The following COL6A3 variants were observed in gnomAD, a reference collection of about 807,000 sequenced individuals.
The protein encoded by COL6A3 is collagen type VI alpha 3 chain.
In COL6A3, 137 loss-of-function variants were observed where a neutral mutation model predicts 274.1. The observed-to-expected ratio is 0.50, with a 90% CI of 0.44 to 0.58. The LOEUF is 0.58. COL6A3 is among the 20% of genes least tolerant of loss of function. The pLI is 0.00. For missense variants in COL6A3, 3,950 were observed against 4,124.9 expected (o/e 0.96, Z 1.16); for synonymous variants, 1,650 against 1,650.6 (o/e 1.00, Z 0.01).
chr2:237,389,178 T>C (rs2078227488), intron 3 of COL6A3, among the ~76,000 whole-genome samples: 1 of 152,184 alleles, frequency 6.6e-6, no homozygotes, highest in Admixed American at 6.5e-5. Context: ...CCCAACCTGA[T>C]GCTGAGAACG....
chr2:237,383,868 A>G (rs549635994), intron 4 of COL6A3, among the ~76,000 whole-genome samples: 22 of 152,202 alleles, frequency 1.4e-4, no homozygotes, highest in Admixed American at 1.4e-3. Context: ...AGATCTAATG[A>G]AACAAGTGGC....
rs1400989786 is a variant in COL6A3, at chr2:237,388,147, T to G, written c.747A>C (p.Gly249=). ...AATTGACACTTCCGGTGTTGTTTGA[T>G]CCATCAATAAGGAAAATAATGTCAG... ...DSADIIFLID[G]SNNTGSVNFA... Residue 249 remains glycine (G), a synonymous_variant, in exon 4 of 44, where the codon GGA becomes GGC. Transcript: ENST00000295550. 1 of 1,613,992 alleles carries G rather than the reference T, an allele frequency of 6.2e-7. No homozygotes were observed. Among genetic ancestry groups the G allele is most frequent in the East Asian group, 2.2e-5 (1 of 44,892 alleles).
rs1347948544 is a variant in COL6A3 at position 237,377,094 on chromosome 2, C to G, written c.2748G>C (p.Leu916=). 7 of 1,614,084 alleles carry G rather than the reference C, an allele frequency of 4.3e-6. No individual in the cohort carries two copies. The Admixed American group carries it at 1.2e-4, about 27-fold the overall frequency. ...MKIKTGKALN[L]GYALDYAQRY... Reference sequence around the variant, plus strand: ...TCTGTGCATAGTCCAGCGCGTAGCCCAGGTTGAGGGCTTTGCCCGTCTTGA... The same window carrying G: ...TCTGTGCATAGTCCAGCGCGTAGCCGAGGTTGAGGGCTTTGCCCGTCTTGA... Residue 916 remains leucine (L), a synonymous_variant, in exon 7 of 44, where the codon CTG becomes CTC. Coordinates refer to ENST00000295550, the MANE Select transcript of COL6A3 (RefSeq NM_004369.4).
In COL6A3 at chr2:237,325,658, G is replaced by T; in HGVS notation, c.9395C>A (p.Pro3132Gln). The T allele has an allele frequency of 6.2e-7, 1 of 1,614,014 alleles. No homozygotes were observed. Among genetic ancestry groups the T allele is most frequent in the South Asian group, 1.1e-5 (1 of 91,072 alleles). ...GAATCTTGCACAGCTTTTGGTGTTTGGATCATAGTACCATTTTAATATGAA... is the reference window on the plus strand; with the variant it reads ...GAATCTTGCACAGCTTTTGGTGTTTTGATCATAGTACCATTTTAATATGAA... ...RDFILKWYYD[P>Q]NTKSCARFWY... The change falls in exon 43 of 44, where the codon CCA becomes CAA. Residue 3132 changes from proline to glutamine, a missense_variant. Pro to Gln is a moderately conservative substitution (Grantham distance 76). Coordinates refer to ENST00000295550, the MANE Select transcript of COL6A3 (RefSeq NM_004369.4).
intron 7 of COL6A3, among the ~76,000 whole-genome samples, chr2:237,376,193 A>C (rs1371766649): frequency 6.6e-6 from 1 of 152,170 alleles, no homozygotes; most frequent in Non-Finnish European, 1.5e-5. Context: ...ATTTTTCATC[A>C]AAAGGCATAC....
In COL6A3 at chr2:237,352,337, A is replaced by G. The variant is rs187250247; in HGVS notation, c.6753+185T>C. Among the ~76,000 whole-genome samples, 4 of 152,256 alleles carry G rather than the reference A, an allele frequency of 2.6e-5. No individual in the cohort carries two copies. In the East Asian group the frequency reaches 7.7e-4, roughly 29 times the overall value. On this transcript the variant is annotated intron_variant, in intron 26 of 43. Transcript: ENST00000295550. The stretch of plus-strand genomic sequence containing the variant: ...TGGAGCACCAAAAAAGGAAACTCTT[A>G]CTTTCTTGGGGTGAAGTAGCCAGTC...
At chr2:237,405,859 G>A (rs981930951) in intron 1 of COL6A3, among the ~76,000 whole-genome samples, 1 of 152,056 alleles carries the variant, frequency 6.6e-6, no homozygotes, top group Non-Finnish European at 1.5e-5. Context: ...GTCAATGGAA[G>A]TCGGCTGTCT....
intron 3 of COL6A3, among the ~76,000 whole-genome samples, chr2:237,392,777 C>T (rs2078324890): frequency 1.3e-5 from 2 of 152,232 alleles, no homozygotes; most frequent in Non-Finnish European, 2.9e-5. Flanking sequence ...CTGTGGTCAT[C>T]TCCAGACTTT....
chr2:237,368,418 A>T lies in COL6A3; in HGVS notation c.4900+145T>A. On this transcript the variant is annotated intron_variant, in intron 10 of 43. Coordinates refer to ENST00000295550, the MANE Select transcript of COL6A3 (RefSeq NM_004369.4). This position sits in a 1 kb window ranked among gnomAD's most constrained non-coding sequence, Gnocchi z 4.4. ...TTCCTTCTGCAATTTCAATGGAACTACTTTTCCAGTATTTAATTTCTAATA... is the reference window on the plus strand; with the variant it reads ...TTCCTTCTGCAATTTCAATGGAACTTCTTTTCCAGTATTTAATTTCTAATA... 1 of 1,020,508 alleles carries T rather than the reference A, an allele frequency of 9.8e-7. No individual in the cohort carries two copies. Among genetic ancestry groups the T allele is most frequent in the Non-Finnish European group, 1.4e-6 (1 of 712,712 alleles). The allele number at this position is 1,020,508 out of a possible 1,614,324, so 63.2% of individuals were successfully genotyped here. A position where few individuals can be genotyped will look rare whatever the true frequency, so the allele number is the denominator to read the frequency against.
intron 3 of COL6A3, 43 bp from the exon 4 acceptor site, chr2:237,388,227 A>G (rs2078203805): frequency 6.2e-7 from 1 of 1,612,212 alleles, no homozygotes; most frequent in Non-Finnish European, 8.5e-7. Flanking sequence ...GCATTAGAAC[A>G]AGTGACCACA....
At position 237,387,608 on chromosome 2, in the gene COL6A3, A is replaced by C; in HGVS notation, c.1286T>G (p.Leu429Trp). 1.2e-6 allele frequency: 2 copies of C among 1,613,964 alleles called. No individual in the cohort carries two copies. The highest frequency in any genetic ancestry group is 1.7e-6 in the Non-Finnish European group (2 of 1,179,948). ...IVGVAQRHIV[L>W]KPPTIVTQVI... ...TTGTGTGACAATGGTTGGCGGTTTCAAGACAATGTGCCTTTGGGCCACGCC... is the reference window on the plus strand; with the variant it reads ...TTGTGTGACAATGGTTGGCGGTTTCCAGACAATGTGCCTTTGGGCCACGCC... Residue 429 changes from leucine (L) to tryptophan (W), a missense_variant, in exon 4 of 44, where the codon TTG (leucine) becomes TGG (tryptophan). Around this residue, in one of 5 missense-constraint regions of COL6A3, gnomAD observed 1,934 missense variants for 1,984.3 expected, o/e 0.97. Coordinates refer to ENST00000295550, the MANE Select transcript of COL6A3 (RefSeq NM_004369.4).
intron 41 of COL6A3, among the ~76,000 whole-genome samples, chr2:237,334,163 A>G (rs1700407416): frequency 6.6e-6 from 1 of 152,016 alleles, no homozygotes; most frequent in Non-Finnish European, 1.5e-5. Context: ...GGGCAGGGAG[A>G]CTCAGCTATC....
intron 32 of COL6A3, among the ~76,000 whole-genome samples, chr2:237,346,072 A>G (rs1457565481): frequency 1.3e-5 from 2 of 152,228 alleles, no homozygotes; most frequent in Non-Finnish European, 2.9e-5. Flanking sequence ...CAGCATGACT[A>G]GTGGGATTTA....
rs1386395959 is a variant in COL6A3 at position 237,381,278 on chromosome 2, C to T, written c.1534G>A (p.Val512Met). ...HPTKREVITA[V>M]RKMKPLDGSA... is the part of the protein sequence containing the mutation. ...CCGTCCAGGGGCTTCATTTTCCGCA[C>T]AGCGGTTATGACTTCCCTTTTTGTT... Residue 512 changes from valine (V) to methionine (M), a missense_variant, in exon 5 of 44, where the codon GTG becomes ATG. By Grantham distance (21) the Val-to-Met change is conservative. Coordinates refer to ENST00000295550, the MANE Select transcript of COL6A3 (RefSeq NM_004369.4). 3.1e-6 allele frequency: 5 copies of T among 1,614,136 alleles called. No individual in the cohort carries two copies. The highest frequency in any genetic ancestry group is 2.5e-6 in the Non-Finnish European group (3 of 1,180,062).
rs765078725 is a variant in COL6A3 at position 237,372,184 on chromosome 2, T to C, written c.3833A>G (p.Asp1278Gly). The C allele has an allele frequency of 6.2e-7, 1 of 1,614,132 alleles. No homozygotes were observed. The highest frequency in any genetic ancestry group is 1.7e-5 in the Admixed American group (1 of 60,020). ...TTRVAVIQFS[D>G]DPKVEFLLNA... ...CAGCAGGAACTCCACCTTGGGGTCA[T>C]CGCTGAACTGGATGACAGCCACCCG... The change falls in exon 9 of 44, where the codon GAT becomes GGT. Residue 1278 changes from aspartate to glycine, a missense_variant. Coordinates refer to ENST00000295550, the MANE Select transcript of COL6A3 (RefSeq NM_004369.4).
chr2:237,341,298 C>CACTTTGG (rs1285900270), intron 37 of COL6A3, 148 bp from the exon 38 acceptor site: 16 of 776,984 alleles, frequency 2.1e-5, no homozygotes, highest in Non-Finnish European at 6.6e-6. Context: ...GTAATCCCAG[C>CACTTTGG]ACTTTGGGAG....
At chr2:237,348,968 A>G (rs562672454) in intron 28 of COL6A3, among the ~76,000 whole-genome samples, 1 of 152,286 alleles carries the variant, frequency 6.6e-6, no homozygotes, top group Non-Finnish European at 1.5e-5. Flanking sequence ...AGACTCGTCA[A>G]CCCCAAGAAT....
intron 32 of COL6A3, 85 bp from the exon 33 acceptor site, chr2:237,345,298 G>T: frequency 7.4e-7 from 1 of 1,354,174 alleles, no homozygotes; most frequent in Non-Finnish European, 1.1e-6. Flanking sequence ...AATACACAGA[G>T]CAAGACAAAG....
At chr2:237,373,137 G>T (rs1187088498) in intron 8 of COL6A3, among the ~76,000 whole-genome samples, 2 of 152,158 alleles carry the variant, frequency 1.3e-5, no homozygotes, top group Admixed American at 1.3e-4. Context: ...GGGGGAAAGA[G>T]GGAGGCTGTT....
Sources: gnomAD v4.1 joint callset for allele counts (sites outside exome capture counted in the v4.1 genomes callset) on GRCh38, gnomAD v4.1.1 for gene constraint, gnomAD v4.1.1 regional missense constraint, Gnocchi (gnomAD v3.1) non-coding constraint, MANE v1.5 for transcripts, NCBI Gene and HGNC (gene_info 2026-07-23, HGNC 2026-07-21) for gene names.